Variants in MAPKAP1 observed in about 807,000 individuals in gnomAD.
MAPKAP1 encodes the protein target of rapamycin complex 2 subunit MAPKAP1.
In MAPKAP1, 20 loss-of-function variants were observed where a neutral mutation model predicts 65.7. That is an observed-to-expected ratio of 0.30 (90% CI 0.21 to 0.44). The LOEUF (loss-of-function observed/expected upper bound fraction) is 0.44. MAPKAP1 is among the 20% of genes least tolerant of loss of function. MAPKAP1 has a pLI of 1.00. For synonymous variants in MAPKAP1, 222 were observed against 244.3 expected, an observed-to-expected ratio of 0.91 and a Z score of 0.85; for missense variants, 423 against 648.0, an observed-to-expected ratio of 0.65 and a Z score of 3.77.
intron 1 of MAPKAP1, among the ~76,000 whole-genome samples, chr9:125,696,591 T>C (rs530709609): frequency 1.3e-5 from 2 of 151,970 alleles, no homozygotes; most frequent in African/African-American, 4.8e-5. Context: ...TTGAGATATG[T>C]CTTATAAATG....
chr9:125,568,540 CCTTT>C (rs1831131461), intron 5 of MAPKAP1, among the ~76,000 whole-genome samples: 1 of 152,180 alleles, frequency 6.6e-6, no homozygotes, highest in African/African-American at 2.4e-5. Context: ...CTTTTCCTTT[CCTTT>C]CTTTTCTGTT....
chr9:125,528,630 C>T lies in MAPKAP1; in HGVS notation c.958+14429G>A, dbSNP rs926798754. Among the ~76,000 whole-genome samples, 129 of 148,572 alleles carry T rather than the reference C, an allele frequency of 8.7e-4. 1 individual carries two copies. The highest frequency in any genetic ancestry group is 8.4e-3 in the Admixed American group (126 of 14,922). ...TTGGGAGGCCGAGGCAGGTGGATCA[C>T]GAGGTCAGGAGTTCGAGACCAGCCT... On this transcript the variant is annotated intron_variant, in intron 7 of 11. Coordinates refer to ENST00000265960, the MANE Select transcript of MAPKAP1 (RefSeq NM_001006617.3).
chr9:125,677,696 A>T (rs550666351), intron 1 of MAPKAP1, among the ~76,000 whole-genome samples: 85 of 152,150 alleles, frequency 5.6e-4, no homozygotes, highest in African/African-American at 1.9e-3. Context: ...TCTGTCTCAA[A>T]AATAATAATA....
intron 7 of MAPKAP1, among the ~76,000 whole-genome samples, chr9:125,512,579 TA>T (rs1829333013): frequency 6.6e-6 from 1 of 152,184 alleles, no homozygotes; most frequent in African/African-American, 2.4e-5. Flanking sequence ...TATGTATACA[TA>T]TTTTTTTTTT....
At chr9:125,571,842 G>A (rs556230624) in intron 5 of MAPKAP1, among the ~76,000 whole-genome samples, 4 of 152,244 alleles carry the variant, frequency 2.6e-5, no homozygotes, top group East Asian at 1.9e-4. Context: ...CAGCCTGCTC[G>A]ACGGGAGCGA....
chr9:125,685,557 G>T (rs902793074), intron 1 of MAPKAP1, among the ~76,000 whole-genome samples: 1 of 152,238 alleles, frequency 6.6e-6, no homozygotes, highest in African/African-American at 2.4e-5. Flanking sequence ...GATTGTGAAT[G>T]ATCTGTCTCA....
chr9:125,453,366 A>G (rs1853035258), intron 10 of MAPKAP1, among the ~76,000 whole-genome samples: 1 of 152,256 alleles, frequency 6.6e-6, no homozygotes, highest in African/African-American at 2.4e-5. Flanking sequence ...GTACCAGCCT[A>G]TTTTATGTTT....
At chr9:125,583,846 G>A (rs939990133) in intron 5 of MAPKAP1, among the ~76,000 whole-genome samples, 1 of 152,178 alleles carries the variant, frequency 6.6e-6, no homozygotes, top group Non-Finnish European at 1.5e-5. Context: ...GGTGGATCAC[G>A]AGGTCAGGAG....
At chr9:125,706,385 C>T (rs1360519932) in intron 1 of MAPKAP1, among the ~76,000 whole-genome samples, 1 of 152,014 alleles carries the variant, frequency 6.6e-6, no homozygotes, top group Non-Finnish European at 1.5e-5. Flanking sequence ...GACTTTCATT[C>T]ATTCAAAAGG....
At chr9:125,647,816 G>A (rs1833773001) in intron 4 of MAPKAP1, among the ~76,000 whole-genome samples, 1 of 152,136 alleles carries the variant, frequency 6.6e-6, no homozygotes, top group African/African-American at 2.4e-5. Flanking sequence ...TCGATGGATA[G>A]AGATGTGTGA....
intron 5 of MAPKAP1, chr9:125,573,006 AATATCATAATCGCT>A (rs1411912466): frequency 6.7e-6 from 1 of 150,370 alleles, no homozygotes; most frequent in African/African-American, 2.4e-5. Flanking sequence ...GTTAGGCAGG[AATATCATAATCGCT>A]ATTCAGCCTG....
At chr9:125,696,715 C>T (rs1040041119) in intron 1 of MAPKAP1, among the ~76,000 whole-genome samples, 1 of 152,134 alleles carries the variant, frequency 6.6e-6, no homozygotes, top group African/African-American at 2.4e-5. Context: ...ACTAATCAAT[C>T]AAATCTTTTG....
chr9:125,493,264 A>T (rs1400348405), intron 8 of MAPKAP1, among the ~76,000 whole-genome samples: 11 of 152,212 alleles, frequency 7.2e-5, no homozygotes, highest in Admixed American at 6.5e-4. Context: ...GCTTCAGCTA[A>T]ACTGGACTCT....
rs144293149 is a variant in MAPKAP1, at chr9:125,610,827, G to A, written c.499-25100C>T. Among the ~76,000 whole-genome samples, 653 of 152,264 alleles carry A rather than the reference G, an allele frequency of 4.3e-3. 4 individuals are homozygous for A. The highest frequency in any genetic ancestry group is 0.015 in the African/African-American group (605 of 41,552). On this transcript the variant is annotated intron_variant, in intron 4 of 11. Coordinates refer to ENST00000265960, the MANE Select transcript of MAPKAP1 (RefSeq NM_001006617.3). ...CCCCAGGTTCTAGGTAGAAGCAAACGCAGATCCTATTGGGAAAAACCTAAA... is the reference window on the plus strand; with the variant it reads ...CCCCAGGTTCTAGGTAGAAGCAAACACAGATCCTATTGGGAAAAACCTAAA...
intron 10 of MAPKAP1, among the ~76,000 whole-genome samples, chr9:125,450,450 T>C (rs998523076): frequency 1.3e-5 from 2 of 152,224 alleles, no homozygotes; most frequent in African/African-American, 4.8e-5. Flanking sequence ...TTAGTTTTTT[T>C]AAGTTAACAT....
intron 5 of MAPKAP1, among the ~76,000 whole-genome samples, chr9:125,574,115 C>A (rs1300121915): frequency 6.6e-6 from 1 of 152,108 alleles, no homozygotes; most frequent in Non-Finnish European, 1.5e-5. Context: ...TTACAAAGTG[C>A]TTTTACCCTT....
At chr9:125,663,071 T>C (rs1834235131) in intron 3 of MAPKAP1, among the ~76,000 whole-genome samples, 1 of 152,234 alleles carries the variant, frequency 6.6e-6, no homozygotes, top group Admixed American at 6.5e-5. Context: ...TAAAAAGTTT[T>C]TTTTTAAGGA....
At chr9:125,628,676 A>AT (rs899995518) in intron 4 of MAPKAP1, among the ~76,000 whole-genome samples, 79 of 152,316 alleles carry the variant, frequency 5.2e-4, no homozygotes, top group African/African-American at 1.9e-3. Context: ...TTCTTGGAAT[A>AT]TGACACCAAA....
chr9:125,661,752 G>A (rs544101439), intron 3 of MAPKAP1, among the ~76,000 whole-genome samples: 3 of 152,236 alleles, frequency 2.0e-5, no homozygotes, highest in African/African-American at 4.8e-5. Flanking sequence ...CCATGTCAAT[G>A]TTTTAAATAA....
Sources: allele counts gnomAD v4.1 joint callset (sites outside exome capture counted in the v4.1 genomes callset), GRCh38; gene constraint gnomAD v4.1.1; transcripts MANE v1.5; gene names NCBI Gene and HGNC (gene_info 2026-07-23, HGNC 2026-07-21).